SPRY3: variants seen among roughly 807,000 people sequenced by gnomAD.
SPRY3 encodes sprouty RTK signaling antagonist 3.
In SPRY3, 15 loss-of-function variants were observed where a neutral mutation model predicts 20.2. The ratio of observed to expected loss-of-function variants is 0.74; its 90% CI spans 0.50 to 1.14. SPRY3 has a LOEUF of 1.14. SPRY3 is among the 50% of genes most tolerant of loss of function. The pLI is 0.00. For missense variants in SPRY3, 364 were observed against 363.9 expected (o/e 1.00, Z 0.00); for synonymous variants, 143 against 136.5 (o/e 1.05, Z -0.33).
intron 2 of SPRY3, among the ~76,000 whole-genome samples, chrX:155,726,744 A>G (rs186638772): frequency 7.9e-5 from 12 of 152,276 alleles, no homozygotes; most frequent in African/African-American, 2.9e-4. Context: ...TCGTGAATAC[A>G]GCACACTGAT....
At chrX:155,628,128 G>A (rs1333182849) in intron 1 of SPRY3, among the ~76,000 whole-genome samples, 1 of 111,989 alleles carries the variant, frequency 8.9e-6, no homozygotes, top group South Asian at 3.7e-4. Flanking sequence ...ACACGTACAC[G>A]TATCTTTATA....
chrX:155,774,165 G>A, exon 4 of SPRY3: 1 of 1,613,968 alleles, frequency 6.2e-7, no homozygotes, highest in African/African-American at 1.3e-5. Context: ...CTGATCAAAG[G>A]CTCTTGGCCA....
chrX:155,656,905 T>A (rs2067994031), exon 2 of SPRY3, among the ~76,000 whole-genome samples: 1 of 111,754 alleles, frequency 8.9e-6, no homozygotes, highest in Non-Finnish European at 1.9e-5. Context: ...CCATACCCTA[T>A]TTTCATGGAT....
chrX:155,738,348 A>C (rs1031945373), intron 2 of SPRY3, among the ~76,000 whole-genome samples: 213 of 28,704 alleles, frequency 7.4e-3, no homozygotes, highest in Non-Finnish European at 9.5e-3. Context: ...ACTCAACAGT[A>C]AAAAAAAAAT....
At position 155,756,134 on chromosome X, in the gene SPRY3, C is replaced by T. The variant is rs753694808; in HGVS notation, c.-281-11828C>T. 7.9e-5 allele frequency among the ~76,000 whole-genome samples: 12 copies of T among 152,156 alleles called. No individual in the cohort carries two copies. In the South Asian group the frequency reaches 2.5e-3, roughly 32 times the overall value. ...AACTGCTCCCAGAACTGAAAGCAAT[C>T]CTCTGCACTGTTGTCACCTGCAGCA... On this transcript the variant is annotated intron_variant, in intron 2 of 3. Coordinates refer to ENST00000675360, the Ensembl canonical transcript of SPRY3.
intron 2 of SPRY3, among the ~76,000 whole-genome samples, chrX:155,740,641 T>G (rs1378439703): frequency 6.6e-6 from 1 of 152,130 alleles, no homozygotes; most frequent in Non-Finnish European, 1.5e-5. Context: ...ACCGGTTCTC[T>G]GCTCTCGAAC....
chrX:155,744,860 C>T (rs1439154898), intron 2 of SPRY3, among the ~76,000 whole-genome samples: 1 of 152,010 alleles, frequency 6.6e-6, no homozygotes, highest in Non-Finnish European at 1.5e-5. Context: ...ATTTTTCATG[C>T]TCCCCCAGTT....
chrX:155,747,449 A>G (rs778369880), intron 2 of SPRY3, among the ~76,000 whole-genome samples: 2 of 152,074 alleles, frequency 1.3e-5, no homozygotes, highest in South Asian at 4.2e-4. Flanking sequence ...TTATTAAATT[A>G]TCTCTAAATG....
chrX:155,663,758 G>A (rs1401599606), intron 2 of SPRY3, among the ~76,000 whole-genome samples: 1 of 110,989 alleles, frequency 9.0e-6, no homozygotes, highest in Admixed American at 9.6e-5. Context: ...CAGCTCTCTA[G>A]GAGATTCTGA....
rs148367929 is a variant in SPRY3 at position 155,675,435 on chromosome X, T to A, written c.-282+18410T>A. 4.3e-3 allele frequency among the ~76,000 whole-genome samples: 475 copies of A among 110,818 alleles called. 3 individuals carry two copies. The highest frequency in any genetic ancestry group is 0.014 in the African/African-American group (429 of 30,535). On this transcript the variant is annotated intron_variant, in intron 2 of 3. Transcript: ENST00000675360. ...TGTGATACATGAAAGTAATTGAGAG[T>A]GGCCAGCACATAGCTTAAAGGCATG...
chrX:155,624,142 G>A (rs782704105), intron 1 of SPRY3, among the ~76,000 whole-genome samples: 1 of 111,858 alleles, frequency 8.9e-6, no homozygotes, highest in South Asian at 3.7e-4. Context: ...AATCTTCAGT[G>A]CAAATAAAAA....
chrX:155,751,614 AT>A (rs763720482), intron 2 of SPRY3, among the ~76,000 whole-genome samples: 2 of 151,932 alleles, frequency 1.3e-5, no homozygotes, highest in African/African-American at 4.8e-5. Flanking sequence ...TAATGTAAGA[AT>A]TTTTTCCAAA....
intron 2 of SPRY3, among the ~76,000 whole-genome samples, chrX:155,677,809 T>C (rs182939005): frequency 2.5e-3 from 277 of 111,777 alleles, no homozygotes; most frequent in African/African-American, 8.5e-3. Context: ...TCATGCTCCA[T>C]TGTGTATCTG....
At chrX:155,643,831 C>G (rs1348025236) in intron 1 of SPRY3, among the ~76,000 whole-genome samples, 1 of 111,570 alleles carries the variant, frequency 9.0e-6, no homozygotes, top group African/African-American at 3.3e-5. Context: ...TTCCTTATAC[C>G]TTTAAAAGTT....
At chrX:155,684,605 C>A (rs185093957) in intron 2 of SPRY3, among the ~76,000 whole-genome samples, 2 of 111,438 alleles carry the variant, frequency 1.8e-5, no homozygotes, top group East Asian at 5.6e-4. Context: ...CAGACATTTT[C>A]TTGTTTTTGT....
At chrX:155,614,226 C>T (rs1400843531) in intron 1 of SPRY3, among the ~76,000 whole-genome samples, 1 of 111,611 alleles carries the variant, frequency 9.0e-6, no homozygotes, top group African/African-American at 3.3e-5. Flanking sequence ...CCCTTATGCC[C>T]TTATGTTTAA....
At chrX:155,708,774 A>T (rs2090968306) in intron 2 of SPRY3, among the ~76,000 whole-genome samples, 2 of 151,436 alleles carry the variant, frequency 1.3e-5, no homozygotes, top group Admixed American at 1.3e-4. Flanking sequence ...TAGTTATTTT[A>T]AAATGTACAA....
chrX:155,759,724 C>T (rs943455891), intron 2 of SPRY3, among the ~76,000 whole-genome samples: 15 of 152,140 alleles, frequency 9.9e-5, no homozygotes, highest in East Asian at 9.7e-4. Context: ...CATATGATGA[C>T]GGCAAAAATA....
intron 2 of SPRY3, among the ~76,000 whole-genome samples, chrX:155,753,090 C>T (rs1403847163): frequency 6.6e-6 from 1 of 151,860 alleles, no homozygotes; most frequent in African/African-American, 2.4e-5. Context: ...TAAAAAACAG[C>T]TTTATTGAAA....
Sources: allele counts gnomAD v4.1 joint callset (sites outside exome capture counted in the v4.1 genomes callset), GRCh38; gene constraint gnomAD v4.1.1; transcripts MANE v1.5; gene names NCBI Gene and HGNC (gene_info 2026-07-23, HGNC 2026-07-21).